MARK2: variants seen among roughly 807,000 people sequenced by gnomAD.
MARK2 encodes the protein serine/threonine-protein kinase MARK2.
A neutral mutation model predicts 89.8 loss-of-function variants in MARK2; 16 were observed. That is an observed-to-expected ratio of 0.18 (90% CI 0.12 to 0.27). MARK2 has a LOEUF of 0.27. Among genes scored for constraint, MARK2 ranks in the 10% least tolerant of loss-of-function variants. The pLI is 1.00. For synonymous variants in MARK2, 382 were observed against 399.5 expected (o/e 0.96, Z 0.52); for missense variants, 621 against 1,049.9 (o/e 0.59, Z 5.65).
intron 1 of MARK2, among the ~76,000 whole-genome samples, chr11:63,843,236 T>C (rs2016111093): frequency 1.3e-5 from 2 of 152,234 alleles, no homozygotes; most frequent in Non-Finnish European, 2.9e-5. Context: ...ATCAGCAAGA[T>C]GACTGTTTGT....
At chr11:63,908,112 G>C in intron 17 of MARK2, 148 bp from the exon 18 acceptor site, 8 of 669,412 alleles carry the variant, frequency 1.2e-5, no homozygotes, top group Non-Finnish European at 2.1e-5. Flanking sequence ...AGCCCTGTTG[G>C]CTTGCCAGGT....
At chr11:63,839,750 G>A (rs1488818898) in intron 1 of MARK2, among the ~76,000 whole-genome samples, 190 bp downstream of exon 1, 1 of 148,340 alleles carries the variant, frequency 6.7e-6, no homozygotes, top group African/African-American at 2.5e-5. Context: ...ACCTCGTCCT[G>A]ACTCCAAGCT....
At chr11:63,849,682 G>A (rs149155279) in intron 1 of MARK2, among the ~76,000 whole-genome samples, 51 of 152,326 alleles carry the variant, frequency 3.3e-4, no homozygotes, top group Middle Eastern at 3.4e-3. Context: ...GAATCTGGGA[G>A]GTGGAGGTTG....
At chr11:63,888,705 A>G in intron 1 of MARK2, 1 of 1,189,808 alleles carries the variant, frequency 8.4e-7, no homozygotes, top group Non-Finnish European at 1.1e-6. Flanking sequence ...TCTCTCTGCT[A>G]GTGGTGGTTT....
chr11:63,859,947 A>G (rs756852966), intron 1 of MARK2, among the ~76,000 whole-genome samples: 1 of 152,132 alleles, frequency 6.6e-6, no homozygotes, highest in Non-Finnish European at 1.5e-5. Context: ...CTTGTTTCTT[A>G]ATGAAACATA....
chr11:63,879,650 C>T (rs1357401507), intron 1 of MARK2, among the ~76,000 whole-genome samples: 1 of 151,848 alleles, frequency 6.6e-6, no homozygotes, highest in Non-Finnish European at 1.5e-5. Flanking sequence ...GGGCTTGCTT[C>T]TAGAAAGATT....
At position 63,900,442 on chromosome 11, in the gene MARK2, T is replaced by C; in HGVS notation, c.769-117T>C. 1 of 1,261,984 alleles carries C rather than the reference T, an allele frequency of 7.9e-7. No homozygotes were observed. The allele number at this position is 1,261,984 out of a possible 1,614,324, so 78.2% of individuals were successfully genotyped here. A position where few individuals can be genotyped will look rare whatever the true frequency, so the allele number is the denominator to read the frequency against. ...TCTTGTCCCCAGGCTGTCTGCCTTC[T>C]TCCATATTTCATTTATGTCTGCTTT... On this transcript the variant is annotated intron_variant, in intron 8 of 18. Transcript: ENST00000402010. The surrounding 1 kb of genome is among the most constrained non-coding windows in gnomAD (Gnocchi z 4.7).
intron 1 of MARK2, among the ~76,000 whole-genome samples, chr11:63,850,484 A>T (rs1364748555): frequency 1.3e-5 from 2 of 151,594 alleles, no homozygotes; most frequent in Admixed American, 1.3e-4. Flanking sequence ...CTTTTTTACC[A>T]ATCACCTATC....
chr11:63,841,841 T>G (rs1187384166), intron 1 of MARK2, among the ~76,000 whole-genome samples: 1 of 152,246 alleles, frequency 6.6e-6, no homozygotes, highest in Non-Finnish European at 1.5e-5. Context: ...TCCTGTGATG[T>G]GTGTGTTGAT....
rs1298669558 is a variant in MARK2 at position 63,908,959 on chromosome 11, T to A, written c.2089T>A (p.Trp697Arg). The change falls in exon 19 of 19, where the codon TGG becomes AGG. Residue 697 changes from tryptophan to arginine, a missense_variant. Physicochemically the swap from Trp to Arg is moderately radical, Grantham distance 101. This residue lies in a region of MARK2 where 397 missense variants were observed against 567.8 expected (regional missense o/e 0.70). Coordinates refer to ENST00000402010, the MANE Select transcript of MARK2 (RefSeq NM_001039469.3). ...CAAGCCCCGCTCCCTCCGCTTCACG[T>A]GGAGTATGAAGACCACGAGCTCCAT... ...EAKPRSLRFT[W>R]SMKTTSSMEP... is the part of the protein sequence containing the mutation. 6.5e-7 allele frequency: 1 copy of A among 1,543,654 alleles called. No homozygotes were observed. The highest frequency in any genetic ancestry group is 8.8e-7 in the Non-Finnish European group (1 of 1,137,352).
Position 63,903,636 on chromosome 11 carries a change from A to G in MARK2, c.1515-350A>G, listed in dbSNP as rs536744921. ...GGCTCTATCTCTTCTGAGTTTATGA[A>G]AGTTTCCCCTCAGCAACACCCCACT... On this transcript the variant is annotated intron_variant, in intron 14 of 18. Transcript: ENST00000402010. This position sits in a 1 kb window ranked among gnomAD's most constrained non-coding sequence, Gnocchi z 5.1. 6.6e-6 allele frequency among the ~76,000 whole-genome samples: 1 copy of G among 151,952 alleles called. No individual in the cohort carries two copies. The highest frequency in any genetic ancestry group is 2.1e-4 in the South Asian group (1 of 4,806).
intron 1 of MARK2, among the ~76,000 whole-genome samples, chr11:63,855,600 T>G (rs964254785): frequency 1.1e-4 from 16 of 152,144 alleles, no homozygotes; most frequent in Non-Finnish European, 1.6e-4. Context: ...AATTTCAGGT[T>G]CCACATTGCA....
chr11:63,879,259 A>G (rs1283816329), intron 1 of MARK2, among the ~76,000 whole-genome samples: 1 of 152,140 alleles, frequency 6.6e-6, no homozygotes, highest in Non-Finnish European at 1.5e-5. Flanking sequence ...GTGAGCTGAG[A>G]TGACACCACT....
intron 1 of MARK2, among the ~76,000 whole-genome samples, chr11:63,865,411 A>G (rs1234639415): frequency 6.6e-6 from 1 of 152,168 alleles, no homozygotes; most frequent in Non-Finnish European, 1.5e-5. Context: ...TGGAAAAGCC[A>G]AGGTCCATGT....
At chr11:63,861,740 CT>C (rs531935148) in intron 1 of MARK2, among the ~76,000 whole-genome samples, 158 of 127,072 alleles carry the variant, frequency 1.2e-3, no homozygotes, top group Middle Eastern at 4.5e-3. Context: ...CTCATTTACT[CT>C]TTTTTTTTTT....
In MARK2 at chr11:63,887,615, C is replaced by T. The variant is rs143676267; in HGVS notation, c.55-7544C>T. ...AATGGCTACCAACGTGAGAAGGTCA[C>T]GGAGTTCCTTAATGAGAGGGAGCCT... On this transcript the variant is annotated intron_variant, in intron 1 of 18. Transcript: ENST00000402010. Among the ~76,000 whole-genome samples, 489 of 152,288 alleles carry T rather than the reference C, an allele frequency of 3.2e-3. 2 individuals are homozygous for T. The highest frequency in any genetic ancestry group is 8.9e-3 in the African/African-American group (368 of 41,548).
intron 1 of MARK2, among the ~76,000 whole-genome samples, chr11:63,856,787 T>G (rs2016881887): frequency 9.5e-6 from 1 of 104,748 alleles, no homozygotes; most frequent in Non-Finnish European, 1.9e-5. Flanking sequence ...TTTTTTTTTT[T>G]TTTTTTTTTT....
At chr11:63,868,640 C>G in intron 1 of MARK2, 1 of 377,152 alleles carries the variant, frequency 2.7e-6, no homozygotes, top group Non-Finnish European at 5.4e-6. Flanking sequence ...GGGACCAGAG[C>G]CAGAGAGCCA....
chr11:63,889,174 A>G (rs536639971), intron 1 of MARK2, among the ~76,000 whole-genome samples: 8 of 152,262 alleles, frequency 5.3e-5, no homozygotes, highest in African/African-American at 1.9e-4. Context: ...GAGAACAAGC[A>G]GCTTGACAAG....
Sources: allele counts gnomAD v4.1 joint callset (sites outside exome capture counted in the v4.1 genomes callset), GRCh38; gene constraint gnomAD v4.1.1; regional missense constraint gnomAD v4.1.1; non-coding constraint Gnocchi (gnomAD v3.1); transcripts MANE v1.5; gene names NCBI Gene and HGNC (gene_info 2026-07-23, HGNC 2026-07-21).